WDR7: variants seen among roughly 807,000 people sequenced by gnomAD.
WDR7 encodes the protein WD repeat-containing protein 7.
WDR7 carries 46 observed loss-of-function variants against 169.4 expected under a neutral mutation model. That is an observed-to-expected ratio of 0.27 (90% CI 0.21 to 0.35). WDR7 has a LOEUF of 0.35. Among genes scored for constraint, WDR7 ranks in the 10% least tolerant of loss-of-function variants. WDR7 has a pLI of 1.00. For missense variants in WDR7, 1,534 were observed against 1,859.3 expected, an observed-to-expected ratio of 0.83 and a Z score of 3.22; for synonymous variants, 612 against 666.8, an observed-to-expected ratio of 0.92 and a Z score of 1.27.
chr18:56,784,606 A>G (rs2145086712), intron 19 of WDR7, among the ~76,000 whole-genome samples: 1 of 152,344 alleles, frequency 6.6e-6, no homozygotes, highest in Middle Eastern at 3.4e-3. Flanking sequence ...GAATGAGTAG[A>G]TACTTAGCTT....
chr18:56,931,918 A>T (rs2046890770), intron 22 of WDR7, among the ~76,000 whole-genome samples: 1 of 152,160 alleles, frequency 6.6e-6, no homozygotes, highest in African/African-American at 2.4e-5. Context: ...GTGAGTTGAA[A>T]ATTAGGGAAC....
intron 22 of WDR7, among the ~76,000 whole-genome samples, chr18:56,925,518 A>G (rs1276500230): frequency 6.6e-6 from 1 of 152,146 alleles, no homozygotes; most frequent in Non-Finnish European, 1.5e-5. Flanking sequence ...CGAAAATGTT[A>G]CCACCACTTG....
At chr18:56,961,139 T>C (rs1395521502) in intron 25 of WDR7, among the ~76,000 whole-genome samples, 2 of 152,136 alleles carry the variant, frequency 1.3e-5, no homozygotes, top group Admixed American at 6.6e-5. Flanking sequence ...ATTTATGAAA[T>C]ATATATGAAT....
At position 57,009,684 on chromosome 18, in the gene WDR7, T is replaced by G. The variant is rs2048111391; in HGVS notation, c.4165-11061T>G. On this transcript the variant is annotated intron_variant, in intron 26 of 27. Coordinates refer to ENST00000254442, the MANE Select transcript of WDR7 (RefSeq NM_015285.3). ...ATGGTAATGTTGGTTAATATATGTA[T>G]GAATTTTAGAATTTTATTTTATGTT... 1.3e-5 allele frequency among the ~76,000 whole-genome samples: 2 copies of G among 152,218 alleles called. 1 individual carries two copies.
chr18:56,754,249 G>T (rs1374672583), intron 14 of WDR7, among the ~76,000 whole-genome samples: 2 of 20,462 alleles, frequency 9.8e-5, no homozygotes, highest in Admixed American at 4.7e-4. Context: ...TTTGTGCTTT[G>T]TGTGTGTGTG....
chr18:57,017,224 G>C (rs993827949), intron 26 of WDR7, among the ~76,000 whole-genome samples: 4 of 152,188 alleles, frequency 2.6e-5, no homozygotes, highest in Non-Finnish European at 5.9e-5. Flanking sequence ...AGCACCTCTC[G>C]GGCTGAGATT....
intron 20 of WDR7, among the ~76,000 whole-genome samples, chr18:56,855,299 AAT>A (rs1428470709): frequency 6.6e-6 from 1 of 151,954 alleles, no homozygotes; most frequent in East Asian, 1.9e-4. Flanking sequence ...TTAGAATACT[AAT>A]AGTTTGTCAG....
chr18:56,849,213 A>G (rs537831326), intron 20 of WDR7, among the ~76,000 whole-genome samples: 2 of 152,036 alleles, frequency 1.3e-5, no homozygotes, highest in South Asian at 4.2e-4. Context: ...CATTTTACAA[A>G]CCCTTATCAG....
chr18:56,694,410 T>G (rs895716723), intron 9 of WDR7, among the ~76,000 whole-genome samples: 1 of 152,252 alleles, frequency 6.6e-6, no homozygotes, highest in Non-Finnish European at 1.5e-5. Flanking sequence ...TCATTCAATG[T>G]GTGTGTTATA....
At chr18:56,703,876 A>G (rs1339424886) in intron 12 of WDR7, among the ~76,000 whole-genome samples, 2 of 152,032 alleles carry the variant, frequency 1.3e-5, no homozygotes, top group African/African-American at 2.4e-5. Flanking sequence ...TAGCTCTAGA[A>G]TGGTTTCTTA....
At chr18:56,961,559 T>C (rs571947422) in intron 25 of WDR7, among the ~76,000 whole-genome samples, 1 of 152,286 alleles carries the variant, frequency 6.6e-6, no homozygotes, top group East Asian at 1.9e-4. Context: ...AAATTATACC[T>C]TATTTATACT....
In WDR7 at chr18:56,888,225, T is replaced by G. The variant is rs542040966; in HGVS notation, c.3526+8060T>G. Among the ~76,000 whole-genome samples, 4 of 152,340 alleles carry G rather than the reference T, an allele frequency of 2.6e-5. No individual in the cohort carries two copies. In the South Asian group the frequency reaches 8.3e-4, roughly 32 times the overall value. On this transcript the variant is annotated intron_variant, in intron 21 of 27. Coordinates refer to ENST00000254442, the MANE Select transcript of WDR7 (RefSeq NM_015285.3). Reference sequence around the variant, plus strand: ...ATACTTAGTTTTGTAACGTATCTTATACTTTTTTGAACATAGATGAATCTT... The same window carrying G: ...ATACTTAGTTTTGTAACGTATCTTAGACTTTTTTGAACATAGATGAATCTT...
intron 16 of WDR7, among the ~76,000 whole-genome samples, chr18:56,766,863 C>G (rs942195649): frequency 6.6e-6 from 1 of 152,074 alleles, no homozygotes; most frequent in African/African-American, 2.4e-5. Flanking sequence ...TCTGTCAGTT[C>G]TGGGTTGGTT....
At chr18:56,696,771 A>G (rs2025713610) in intron 12 of WDR7, among the ~76,000 whole-genome samples, 1 of 152,228 alleles carries the variant, frequency 6.6e-6, no homozygotes, top group South Asian at 2.1e-4. Flanking sequence ...TTACATTTTA[A>G]AATAATTTAA....
intron 19 of WDR7, among the ~76,000 whole-genome samples, chr18:56,792,509 T>C (rs951071069): frequency 2.6e-5 from 4 of 152,144 alleles, no homozygotes; most frequent in Non-Finnish European, 4.4e-5. Context: ...AATAAATCCA[T>C]GTTTTTCAAA....
intron 16 of WDR7, among the ~76,000 whole-genome samples, chr18:56,775,998 T>C (rs926744906): frequency 2.0e-5 from 3 of 152,180 alleles, no homozygotes; most frequent in African/African-American, 7.2e-5. Context: ...ATCTTAACAT[T>C]GACCTCCAGT....
intron 25 of WDR7, among the ~76,000 whole-genome samples, chr18:56,955,199 A>T (rs938527683): frequency 6.6e-6 from 1 of 152,148 alleles, no homozygotes; most frequent in Admixed American, 6.6e-5. Context: ...ATAATTATAG[A>T]TGTTACTTCT....
chr18:56,704,554 T>C (rs908896623), intron 12 of WDR7, among the ~76,000 whole-genome samples: 1 of 152,142 alleles, frequency 6.6e-6, no homozygotes, highest in African/African-American at 2.4e-5. Context: ...GAATATTATG[T>C]ATACATTCAA....
chr18:56,832,272 G>GA (rs1276568922), intron 20 of WDR7, among the ~76,000 whole-genome samples: 1 of 152,252 alleles, frequency 6.6e-6, no homozygotes, highest in Non-Finnish European at 1.5e-5. Flanking sequence ...AGCCACTGTA[G>GA]AAAGACTGCC....
Sources: allele counts gnomAD v4.1 joint callset (sites outside exome capture counted in the v4.1 genomes callset), GRCh38; gene constraint gnomAD v4.1.1; transcripts MANE v1.5; gene names NCBI Gene and HGNC (gene_info 2026-07-23, HGNC 2026-07-21).